Variants in MTRES1 observed in about 807,000 individuals in gnomAD.
The protein encoded by MTRES1 is mitochondrial transcription rescue factor 1.
In MTRES1, 11 loss-of-function variants were observed where a neutral mutation model predicts 17.4. The observed-to-expected ratio is 0.63, with a 90% CI of 0.40 to 1.05. MTRES1 has a LOEUF of 1.05. Ranked by LOEUF, MTRES1 falls within the 50% of genes least tolerant of loss-of-function variation. The pLI, the probability that MTRES1 is intolerant of heterozygous loss-of-function variation, is 0.00. For synonymous variants in MTRES1, 94 were observed against 99.6 expected (o/e 0.94, Z 0.34); for missense variants, 268 against 276.2 (o/e 0.97, Z 0.21).
chr6:107,029,490 TTTG>T (rs1294461340), intron 1 of MTRES1, among the ~76,000 whole-genome samples: 6 of 144,520 alleles, frequency 4.2e-5, no homozygotes, highest in African/African-American at 1.3e-4. Flanking sequence ...CCCGGCCTGT[TTTG>T]TTGTTTTTTT....
At chr6:107,028,828 A>T in intron 1 of MTRES1, 1 of 948,688 alleles carries the variant, frequency 1.1e-6, no homozygotes, top group Non-Finnish European at 1.3e-6. Context: ...TCTCCTGAAG[A>T]TGTCACCCAA....
rs1774268272 is a variant in MTRES1, at chr6:107,042,944, C to T, written c.471-1316C>T. 2.0e-5 allele frequency among the ~76,000 whole-genome samples: 3 copies of T among 152,088 alleles called. No homozygotes were observed. In the South Asian group the frequency reaches 6.2e-4, roughly 31 times the overall value. On this transcript the variant is annotated intron_variant, in intron 2 of 3. Coordinates refer to ENST00000311381, the MANE Select transcript of MTRES1 (RefSeq NM_016487.5). The stretch of plus-strand genomic sequence containing the variant: ...CAGTTCAACATCTATTTAGAAATGC[C>T]CTTTGGTCTCCCTGTTTCAGATACA...
intron 1 of MTRES1, among the ~76,000 whole-genome samples, chr6:107,037,071 G>C (rs1239273833): frequency 6.6e-6 from 1 of 150,662 alleles, no homozygotes; most frequent in Non-Finnish European, 1.5e-5. Context: ...GAGCCACTGC[G>C]CCTAGCCTAG....
At chr6:107,040,299 C>T (rs1333370537) in intron 2 of MTRES1, 69 bp downstream of exon 2, 2 of 1,387,284 alleles carry the variant, frequency 1.4e-6, no homozygotes, top group Admixed American at 5.0e-5. Context: ...CATTACAAAT[C>T]ACTTGGCCCA....
intron 2 of MTRES1, among the ~76,000 whole-genome samples, chr6:107,042,941 T>C (rs1774268176): frequency 6.6e-6 from 1 of 152,176 alleles, no homozygotes; most frequent in Non-Finnish European, 1.5e-5. Context: ...TATTTAGAAA[T>C]GCCCTTTGGT....
At chr6:107,040,350 G>T in intron 2 of MTRES1, 120 bp downstream of exon 2, 1 of 829,196 alleles carries the variant, frequency 1.2e-6, no homozygotes. Flanking sequence ...GACCTTTGTA[G>T]GTAACCTGTT....
intron 1 of MTRES1, chr6:107,029,991 G>GTT (rs369045606): frequency 0.01 from 5,877 of 576,538 alleles, no homozygotes; most frequent in Middle Eastern, 0.017. Context: ...TTTACAGGGT[G>GTT]TTTTTTTTTT....
At chr6:107,046,779 GGTGTTGGGTAACT>G (rs1774403728) in intron 3 of MTRES1, among the ~76,000 whole-genome samples, 1 of 152,150 alleles carries the variant, frequency 6.6e-6, no homozygotes, top group Non-Finnish European at 1.5e-5. Flanking sequence ...GGGTGTGGTA[GGTGTTGGGTAACT>G]GTTGATTAAA....
chr6:107,034,000 G>T (rs1554226691), intron 1 of MTRES1, among the ~76,000 whole-genome samples: 1 of 152,120 alleles, frequency 6.6e-6, no homozygotes, highest in East Asian at 1.9e-4. Context: ...GCCAATGTTT[G>T]CCTGCTAGAA....
intron 3 of MTRES1, among the ~76,000 whole-genome samples, chr6:107,050,601 G>A (rs554811356): frequency 2.8e-4 from 36 of 129,910 alleles, no homozygotes; most frequent in African/African-American, 1.0e-3. Flanking sequence ...TTTTGAGATG[G>A]AGTCTCCCTC....
intron 3 of MTRES1, among the ~76,000 whole-genome samples, chr6:107,045,309 A>G (rs1380128337): frequency 6.6e-6 from 1 of 151,876 alleles, no homozygotes; most frequent in Non-Finnish European, 1.5e-5. Context: ...GTGAAACCCC[A>G]TCTCTACTAA....
Position 107,046,577 on chromosome 6 carries a change from T to C in MTRES1, c.543+2245T>C, listed in dbSNP as rs78703575. ...AGCTCCTAATCCCAGCCAGTTTTGC[T>C]TTGTGTCTGCTGAGGGACAGGGGCC... On this transcript the variant is annotated intron_variant, in intron 3 of 3. Transcript: ENST00000311381. 3.8e-3 allele frequency among the ~76,000 whole-genome samples: 572 copies of C among 152,246 alleles called. 8 individuals are homozygous for C. The highest frequency in any genetic ancestry group is 0.013 in the African/African-American group (554 of 41,568).
chr6:107,048,004 A>G (rs1554228615), intron 3 of MTRES1, among the ~76,000 whole-genome samples: 1 of 152,228 alleles, frequency 6.6e-6, no homozygotes, highest in African/African-American at 2.4e-5. Flanking sequence ...TTGAGGCTAC[A>G]GTACACTATG....
At chr6:107,041,224 C>CAA (rs55820077) in intron 2 of MTRES1, among the ~76,000 whole-genome samples, 2 of 122,872 alleles carry the variant, frequency 1.6e-5, no homozygotes, top group Non-Finnish European at 1.8e-5. Context: ...GACTCCGTCT[C>CAA]AAAAAAAAAA....
intron 3 of MTRES1, among the ~76,000 whole-genome samples, chr6:107,044,902 A>C (rs1200246518): frequency 1.3e-5 from 2 of 152,212 alleles, no homozygotes; most frequent in Non-Finnish European, 2.9e-5. Context: ...AATCATATAT[A>C]AAAATTCTGG....
chr6:107,031,405 A>T (rs143751404), intron 1 of MTRES1, among the ~76,000 whole-genome samples: 1 of 148,640 alleles, frequency 6.7e-6, no homozygotes, highest in Non-Finnish European at 1.5e-5. Context: ...AAAAAGAAAA[A>T]AAAAGAAAAA....
chr6:107,029,969 G>C, intron 1 of MTRES1: 1 of 664,528 alleles, frequency 1.5e-6, no homozygotes, highest in Non-Finnish European at 2.7e-6. Context: ...TTAACCACCA[G>C]CTATCATATA....
In MTRES1 at chr6:107,041,180, A is replaced by G. The variant is rs576226115; in HGVS notation, c.470+950A>G. On this transcript the variant is annotated intron_variant, in intron 2 of 3. Transcript: ENST00000311381. ...GCGGAGCTTGCAGTGAGCCGAGATC[A>G]CGCCATTGCACTCCAGCCTGGGCGA... is the stretch of plus-strand genomic sequence containing the variant. Among the ~76,000 whole-genome samples, 408 of 149,274 alleles carry G rather than the reference A, an allele frequency of 2.7e-3. 3 individuals are homozygous for G. Among genetic ancestry groups the G allele is most frequent in the Non-Finnish European group, 4.1e-3 (280 of 67,530 alleles).
intron 1 of MTRES1, among the ~76,000 whole-genome samples, chr6:107,033,702 CA>C (rs782382883): frequency 2.1e-4 from 32 of 152,226 alleles, no homozygotes; most frequent in Admixed American, 2.0e-4. Context: ...CCTGTACTCC[CA>C]GCTACTTGGG....
Sources: allele counts gnomAD v4.1 joint callset (sites outside exome capture counted in the v4.1 genomes callset), GRCh38; gene constraint gnomAD v4.1.1; transcripts MANE v1.5; gene names NCBI Gene and HGNC (gene_info 2026-07-23, HGNC 2026-07-21).